The following TMEM178B variants were observed in gnomAD, a reference collection of about 807,000 sequenced individuals.
TMEM178B encodes the protein transmembrane protein 178B.
In TMEM178B, 5 loss-of-function variants were observed where a neutral mutation model predicts 31.0. The ratio of observed to expected loss-of-function variants is 0.16; its 90% CI spans 0.08 to 0.34. The LOEUF is 0.34. Ranked by LOEUF, TMEM178B falls within the 10% of genes least tolerant of loss-of-function variation. The pLI is 1.00. For synonymous variants in TMEM178B, 164 were observed against 164.0 expected (o/e 1.00, Z 0.00); for missense variants, 275 against 400.3 (o/e 0.69, Z 2.67).
chr7:141,426,071 GTTGAA>G (rs1203543589), intron 2 of TMEM178B, among the ~76,000 whole-genome samples: 1 of 152,200 alleles, frequency 6.6e-6, no homozygotes, highest in Non-Finnish European at 1.5e-5. Context: ...TAAAAACTAT[GTTGAA>G]TTATTAAGTG....
intron 2 of TMEM178B, among the ~76,000 whole-genome samples, chr7:141,229,772 A>C (rs1332608103): frequency 6.6e-6 from 1 of 152,022 alleles, no homozygotes; most frequent in Non-Finnish European, 1.5e-5. Context: ...AAAATTAAAA[A>C]AAAAATAGTG....
chr7:141,144,169 C>A (rs563012554), intron 1 of TMEM178B, among the ~76,000 whole-genome samples: 2 of 152,242 alleles, frequency 1.3e-5, no homozygotes, highest in Admixed American at 1.3e-4. Context: ...TCAGTAAAGA[C>A]AATTTGACTC....
intron 1 of TMEM178B, among the ~76,000 whole-genome samples, chr7:141,125,582 G>A (rs1237873368): frequency 2.0e-5 from 3 of 151,462 alleles, no homozygotes; most frequent in African/African-American, 7.3e-5. Context: ...TTAGGAGGCT[G>A]AGGAGGAGAA....
intron 1 of TMEM178B, among the ~76,000 whole-genome samples, chr7:141,160,569 G>C (rs115640371): frequency 0.022 from 3,402 of 152,200 alleles, 116 homozygotes; most frequent in African/African-American, 0.077. Context: ...ACTGTGCCTT[G>C]GTGGCCAGAA....
At chr7:141,408,031 C>T (rs148024427) in intron 2 of TMEM178B, among the ~76,000 whole-genome samples, 14 of 152,298 alleles carry the variant, frequency 9.2e-5, no homozygotes, top group African/African-American at 2.6e-4. Flanking sequence ...TTACACACAT[C>T]GCTCAGTAAG....
At chr7:141,236,910 C>T (rs7781093) in intron 2 of TMEM178B, among the ~76,000 whole-genome samples, 6,730 of 152,090 alleles carry the variant, frequency 0.044, 400 homozygotes, top group African/African-American at 0.14. Flanking sequence ...ACATGCTAGA[C>T]AAAATATTAA....
intron 2 of TMEM178B, among the ~76,000 whole-genome samples, chr7:141,216,159 G>T (rs1455924561): frequency 4.0e-5 from 6 of 151,882 alleles, no homozygotes; most frequent in African/African-American, 1.5e-4. Flanking sequence ...TCAGGAATTT[G>T]CATGTGGCCT....
At position 141,477,901 on chromosome 7, in the gene TMEM178B, A is replaced by T. The variant is rs1432334118; in HGVS notation, c.*7115A>T. The T allele has an allele frequency of 6.6e-6, 1 of 152,252 alleles. No individual in the cohort carries two copies. The highest frequency in any genetic ancestry group is 1.5e-5 in the Non-Finnish European group (1 of 68,080). 9.4% of individuals were successfully genotyped at this position (152,252 alleles called of 1,614,324 possible). On this transcript the variant is annotated 3_prime_UTR_variant, in exon 4 of 4. Coordinates refer to ENST00000565468, the MANE Select transcript of TMEM178B (RefSeq NM_001195278.2). ...TCCAGAGCCTTCTATCTACCGTTTC[A>T]TTCTCAGATTCCTTTTCCCACCCAC...
chr7:141,272,822 A>G (rs1221358337), intron 2 of TMEM178B, among the ~76,000 whole-genome samples: 1 of 152,236 alleles, frequency 6.6e-6, no homozygotes, highest in East Asian at 1.9e-4. Context: ...AGGTTCCTCA[A>G]AAAATTAAAA....
At chr7:141,247,189 A>C (rs557178652) in intron 2 of TMEM178B, among the ~76,000 whole-genome samples, 5 of 132,944 alleles carry the variant, frequency 3.8e-5, no homozygotes, top group Non-Finnish European at 6.2e-5. Context: ...ATCTCTCTAT[A>C]TATAGGTTTC....
At chr7:141,143,144 G>T (rs544612489) in intron 1 of TMEM178B, among the ~76,000 whole-genome samples, 1 of 152,290 alleles carries the variant, frequency 6.6e-6, no homozygotes, top group Admixed American at 6.5e-5. Flanking sequence ...TGCATAGTTT[G>T]CAAATATTCT....
intron 1 of TMEM178B, among the ~76,000 whole-genome samples, chr7:141,167,116 G>T (rs1410112872): frequency 6.6e-6 from 1 of 152,190 alleles, no homozygotes; most frequent in African/African-American, 2.4e-5. Context: ...TAAAATGAGG[G>T]TGTTGACCTA....
the TMEM178B span, among the ~76,000 whole-genome samples, chr7:141,507,876 T>G: frequency 1.4e-4 from 22 of 152,174 alleles, no homozygotes; most frequent in Non-Finnish European, 2.5e-4. Flanking sequence ...CGAAACCATT[T>G]TTTGCTCCTG....
At chr7:141,427,540 A>G (rs537256361) in intron 2 of TMEM178B, among the ~76,000 whole-genome samples, 1 of 152,370 alleles carries the variant, frequency 6.6e-6, no homozygotes, top group South Asian at 2.1e-4. Flanking sequence ...CTCTCACCGT[A>G]TTCAAAAATT....
At chr7:141,313,324 C>T (rs1297762530) in intron 2 of TMEM178B, among the ~76,000 whole-genome samples, 1 of 152,100 alleles carries the variant, frequency 6.6e-6, no homozygotes, top group Non-Finnish European at 1.5e-5. Flanking sequence ...AGAGAACTTC[C>T]CCTTTCCCTG....
intron 2 of TMEM178B, among the ~76,000 whole-genome samples, chr7:141,434,105 T>C (rs2116675088): frequency 6.6e-6 from 1 of 152,370 alleles, no homozygotes; most frequent in South Asian, 2.1e-4. Flanking sequence ...TCCTCTGTTT[T>C]CTTCTAAGTA....
At chr7:141,365,885 A>G (rs115483279) in intron 2 of TMEM178B, among the ~76,000 whole-genome samples, 3,527 of 152,334 alleles carry the variant, frequency 0.023, 130 homozygotes, top group African/African-American at 0.08. Context: ...CACAGGTTCT[A>G]GGAATTAGGA....
chr7:141,424,274 CTT>C (rs925827471), intron 2 of TMEM178B, among the ~76,000 whole-genome samples: 1 of 152,198 alleles, frequency 6.6e-6, no homozygotes, highest in African/African-American at 2.4e-5. Context: ...GGCCCTGACA[CTT>C]TAGAGCCCCA....
chr7:141,345,881 T>C (rs1799610418), intron 2 of TMEM178B, among the ~76,000 whole-genome samples: 1 of 152,190 alleles, frequency 6.6e-6, no homozygotes, highest in African/African-American at 2.4e-5. Flanking sequence ...CACCAGTTCT[T>C]ATCTTCCACC....
Sources: gnomAD v4.1 joint callset for allele counts (sites outside exome capture counted in the v4.1 genomes callset) on GRCh38, gnomAD v4.1.1 for gene constraint, MANE v1.5 for transcripts, NCBI Gene and HGNC (gene_info 2026-07-23, HGNC 2026-07-21) for gene names.